OPN3: variants seen among roughly 807,000 people sequenced by gnomAD.
OPN3 encodes the protein opsin-3.
In OPN3, 29 loss-of-function variants were observed where a neutral mutation model predicts 33.8. The ratio of observed to expected loss-of-function variants is 0.86; its 90% CI spans 0.64 to 1.17. The LOEUF (loss-of-function observed/expected upper bound fraction) is 1.17. Among genes scored for constraint, OPN3 ranks in the 50% most tolerant of loss-of-function variants. The probability of loss-of-function intolerance (pLI) is 0.00; values close to 1 mark genes in which losing one functional copy is unlikely to be tolerated. For synonymous variants in OPN3, 216 were observed against 216.1 expected (o/e 1.00, Z 0.00); for missense variants, 437 against 514.1 (o/e 0.85, Z 1.45).
At chr1:241,619,379 C>A (rs1242864718) in intron 1 of OPN3, among the ~76,000 whole-genome samples, 1 of 152,118 alleles carries the variant, frequency 6.6e-6, no homozygotes. Context: ...CTGAGCCAGC[C>A]CTGAGGAAAG....
intron 1 of OPN3, among the ~76,000 whole-genome samples, chr1:241,604,971 C>T (rs1178468974): frequency 1.3e-5 from 2 of 151,404 alleles, no homozygotes; most frequent in African/African-American, 4.9e-5. Context: ...AGGAGGGTTG[C>T]TTGAGCCCAG....
intron 1 of OPN3, among the ~76,000 whole-genome samples, chr1:241,608,829 C>A (rs764795904): frequency 6.6e-6 from 1 of 152,286 alleles, no homozygotes; most frequent in East Asian, 1.9e-4. Context: ...TTCCCAAGTC[C>A]TCCCTGATAG....
intron 1 of OPN3, among the ~76,000 whole-genome samples, chr1:241,620,143 T>C (rs1321989179): frequency 6.6e-6 from 1 of 151,894 alleles, no homozygotes; most frequent in Non-Finnish European, 1.5e-5. Flanking sequence ...CTGAGGGAAG[T>C]TGAAAATAAT....
chr1:241,615,866 A>G (rs1413428207), intron 1 of OPN3: 1 of 456,692 alleles, frequency 2.2e-6, no homozygotes, highest in Admixed American at 2.3e-5. Flanking sequence ...GCATGCAGAT[A>G]GTGCCTTGCT....
intron 1 of OPN3, among the ~76,000 whole-genome samples, chr1:241,611,256 A>G (rs909542847): frequency 6.6e-6 from 1 of 152,126 alleles, no homozygotes; most frequent in Non-Finnish European, 1.5e-5. Flanking sequence ...AGTTCACACT[A>G]AACAGAAGAG....
intron 1 of OPN3, among the ~76,000 whole-genome samples, chr1:241,611,763 A>G (rs1178594149): frequency 6.6e-6 from 1 of 152,222 alleles, no homozygotes; most frequent in African/African-American, 2.4e-5. Context: ...GTTTTTGTTC[A>G]CTTCCATTAC....
At chr1:241,637,241 C>A (rs1328864613) in intron 1 of OPN3, among the ~76,000 whole-genome samples, 1 of 152,150 alleles carries the variant, frequency 6.6e-6, no homozygotes, top group Non-Finnish European at 1.5e-5. Context: ...GACTAATAAT[C>A]CTGGATACTG....
At chr1:241,606,283 C>T (rs969711637) in intron 1 of OPN3, among the ~76,000 whole-genome samples, 1 of 152,134 alleles carries the variant, frequency 6.6e-6, no homozygotes, top group African/African-American at 2.4e-5. Context: ...GTGGCTTATA[C>T]CTGTAATCTC....
At chr1:241,612,948 T>A (rs967731321) in intron 1 of OPN3, among the ~76,000 whole-genome samples, 1 of 152,176 alleles carries the variant, frequency 6.6e-6, no homozygotes, top group Non-Finnish European at 1.5e-5. Context: ...CTCCATCTCA[T>A]CGCTCAGCAC....
At position 241,596,326 on chromosome 1, in the gene OPN3, CAAT is replaced by C. The variant is rs144865515; in HGVS notation, c.945+1417_945+1419del. Among the ~76,000 whole-genome samples the C allele has an allele frequency of 6.3e-3, 966 of 152,222 alleles. 7 individuals are homozygous for C. The highest frequency in any genetic ancestry group is 0.022 in the African/African-American group (903 of 41,540). ...GTGCATACTAAAAAATTGTTATAAA[CAAT>C]TTCCAGGGTTTCAGTGGCTCTTCTG... On this transcript the variant is annotated intron_variant, in intron 3 of 3. Coordinates refer to ENST00000366554, the MANE Select transcript of OPN3 (RefSeq NM_014322.3).
chr1:241,639,063 C>T (rs1352290608), intron 1 of OPN3: 1 of 152,196 alleles, frequency 6.6e-6, no homozygotes. Flanking sequence ...TTCAAAACAT[C>T]ATGTCTCAGT....
rs142583417 is a variant in OPN3 at position 241,637,209 on chromosome 1, C to T, written c.373+2673G>A. ...CTACTGAAATATAAATCAGTACAAG[C>T]TGTACCTGTCTAGCCCAAGATGACT... On this transcript the variant is annotated intron_variant, in intron 1 of 3. Transcript: ENST00000366554. Among the ~76,000 whole-genome samples, 548 of 152,352 alleles carry T rather than the reference C, an allele frequency of 3.6e-3. 1 individual carries two copies. The highest frequency in any genetic ancestry group is 0.012 in the African/African-American group (519 of 41,576).
chr1:241,606,143 C>T (rs1663823416), intron 1 of OPN3, among the ~76,000 whole-genome samples: 2 of 152,152 alleles, frequency 1.3e-5, no homozygotes, highest in Admixed American at 1.3e-4. Flanking sequence ...CATTAAAAGG[C>T]ATGAACAACA....
intron 2 of OPN3, among the ~76,000 whole-genome samples, chr1:241,603,383 A>G (rs1001049907): frequency 1.4e-4 from 22 of 152,322 alleles, no homozygotes; most frequent in African/African-American, 4.1e-4. Flanking sequence ...TAATAGTCAC[A>G]GTGTGGAGAC....
intron 1 of OPN3, among the ~76,000 whole-genome samples, chr1:241,627,444 A>G (rs1664452990): frequency 6.6e-6 from 1 of 152,200 alleles, no homozygotes; most frequent in Admixed American, 6.5e-5. Context: ...CAGGCAAGTC[A>G]CTTAACTCCT....
Position 241,596,025 on chromosome 1 carries a change from G to C in OPN3, c.946-1334C>G, listed in dbSNP as rs1663498709. 2.0e-5 allele frequency among the ~76,000 whole-genome samples: 3 copies of C among 152,266 alleles called. No homozygotes were observed. The South Asian group carries it at 6.2e-4, about 32-fold the overall frequency. On this transcript the variant is annotated intron_variant, in intron 3 of 3. Coordinates refer to ENST00000366554, the MANE Select transcript of OPN3 (RefSeq NM_014322.3). The stretch of plus-strand genomic sequence containing the variant: ...ATGCCCTTAGGAACCAGAAACATCA[G>C]GACCATGTGGGAGCTTGTTAGACAT...
chr1:241,620,574 C>A (rs1359715617), intron 1 of OPN3, among the ~76,000 whole-genome samples: 1 of 152,188 alleles, frequency 6.6e-6, no homozygotes, highest in South Asian at 2.1e-4. Context: ...CTGCTGGTAC[C>A]CTGATCTCAG....
intron 2 of OPN3, among the ~76,000 whole-genome samples, chr1:241,603,625 AT>A (rs996888543): frequency 2.0e-5 from 3 of 152,202 alleles, no homozygotes; most frequent in Non-Finnish European, 4.4e-5. Context: ...GCTAAGTCCG[AT>A]TTTTTAAAAA....
intron 1 of OPN3, chr1:241,630,273 G>C (rs1032980525): frequency 6.6e-6 from 1 of 151,950 alleles, no homozygotes; most frequent in Non-Finnish European, 1.5e-5. Context: ...CCACTACACT[G>C]GCATGGCTCC....
Sources: allele counts gnomAD v4.1 joint callset (sites outside exome capture counted in the v4.1 genomes callset), GRCh38; gene constraint gnomAD v4.1.1; transcripts MANE v1.5; gene names NCBI Gene and HGNC (gene_info 2026-07-23, HGNC 2026-07-21).